NEDD4: variants seen among roughly 807,000 people sequenced by gnomAD.
NEDD4 encodes E3 ubiquitin-protein ligase NEDD4.
Under a neutral mutation model 144.9 loss-of-function variants are expected in NEDD4, and 99 were observed. That is an observed-to-expected ratio of 0.68 (90% CI 0.58 to 0.81). The LOEUF (loss-of-function observed/expected upper bound fraction) is 0.81. Among genes scored for constraint, NEDD4 ranks in the 30% least tolerant of loss-of-function variants. NEDD4 has a pLI of 0.00. For synonymous variants in NEDD4, 318 were observed against 350.6 expected, an observed-to-expected ratio of 0.91 and a Z score of 1.04; for missense variants, 985 against 1,065.9, an observed-to-expected ratio of 0.92 and a Z score of 1.06.
In NEDD4 at chr15:55,846,969, C is replaced by T. The variant is rs750182050; in HGVS notation, c.1608G>A (p.Gln536=). The change falls in exon 18 of 29, where the codon CAG becomes CAA. Residue 536 remains glutamine, a splice_region_variant and synonymous_variant. Coordinates refer to ENST00000435532, the MANE Select transcript of NEDD4 (RefSeq NM_006154.4). Reference sequence around the variant, plus strand: ...AGTATTTATTATAAACATGACTAACCTGCTTCTTCAACTTTCTTCGGAAGA... The same window carrying T: ...AGTATTTATTATAAACATGACTAACTTGCTTCTTCAACTTTCTTCGGAAGA... The part of the protein sequence containing the change: ...YEFFRRKLKK[Q]NDIPNKFEMK... 2.5e-6 allele frequency: 4 copies of T among 1,589,242 alleles called. No homozygotes were observed. The highest frequency in any genetic ancestry group is 2.6e-6 in the Non-Finnish European group (3 of 1,159,340).
In NEDD4 at chr15:55,847,048, T is replaced by C; in HGVS notation, c.1543-14A>G. ...GTAGGGCACTGCCTTTAGTTGGAAA[T>C]TTTGGAAAAATAAAGAAGTTTAGGT... On this transcript the variant is annotated splice_polypyrimidine_tract_variant and intron_variant, in intron 17 of 28. Coordinates refer to ENST00000435532, the MANE Select transcript of NEDD4 (RefSeq NM_006154.4). The C allele has an allele frequency of 6.3e-7, 1 of 1,575,028 alleles. No homozygotes were observed. Among genetic ancestry groups the C allele is most frequent in the Non-Finnish European group, 8.6e-7 (1 of 1,157,328 alleles).
chr15:55,905,363 G>A (rs1458523782), intron 5 of NEDD4: 7 of 442,890 alleles, frequency 1.6e-5, no homozygotes, highest in Admixed American at 1.5e-4. Context: ...CTAACAATTG[G>A]GGGGTTTCCC....
rs1291422696 is a variant in NEDD4 at position 55,829,879 on chromosome 15, C to T, written c.*18G>A. ...TAAAACTATGGCAGTAAAAACACTA[C>T]AGATTGTTATTTGTAATCTAATCAA... On this transcript the variant is annotated 3_prime_UTR_variant, in exon 29 of 29. Transcript: ENST00000435532. 3 of 1,589,692 alleles carry T rather than the reference C, an allele frequency of 1.9e-6. No individual in the cohort carries two copies.
At chr15:55,958,253 T>G (rs1328413389) in intron 2 of NEDD4, among the ~76,000 whole-genome samples, 9 of 152,246 alleles carry the variant, frequency 5.9e-5, no homozygotes, top group African/African-American at 2.2e-4. Context: ...TTACATTTTG[T>G]CAAAGGCACA....
At chr15:55,992,784 C>T (rs771086342) in intron 1 of NEDD4, among the ~76,000 whole-genome samples, 28 of 152,322 alleles carry the variant, frequency 1.8e-4, no homozygotes, top group Non-Finnish European at 3.1e-4. Context: ...GCTTTGCCTT[C>T]TTCAAATCCC....
chr15:55,841,295 T>C (rs2033491205), intron 19 of NEDD4, among the ~76,000 whole-genome samples: 2 of 152,344 alleles, frequency 1.3e-5, no homozygotes, highest in South Asian at 4.1e-4. Flanking sequence ...AAGGACATTC[T>C]GATACATACT....
At chr15:55,989,686 C>T (rs1480090631) in intron 1 of NEDD4, among the ~76,000 whole-genome samples, 1 of 152,222 alleles carries the variant, frequency 6.6e-6, no homozygotes, top group African/African-American at 2.4e-5. Flanking sequence ...TTGCTTCAGT[C>T]AGCCTTTCTT....
intron 5 of NEDD4, chr15:55,924,345 C>T (rs535427367): frequency 3.8e-4 from 104 of 271,846 alleles, no homozygotes; most frequent in South Asian, 5.7e-4. Flanking sequence ...GGGTCATGGG[C>T]GAGTGAGAGG....
At chr15:55,967,985 A>C (rs1339624961) in intron 1 of NEDD4, among the ~76,000 whole-genome samples, 1 of 152,230 alleles carries the variant, frequency 6.6e-6, no homozygotes, top group African/African-American at 2.4e-5. Context: ...CCTGGGTGAC[A>C]GAGCAAGACC....
At chr15:55,848,608 G>T (rs773116025) in intron 15 of NEDD4, 33 bp from the exon 16 acceptor site, 1 of 1,580,294 alleles carries the variant, frequency 6.3e-7, no homozygotes, top group Non-Finnish European at 8.7e-7. Flanking sequence ...ATTATTTTAG[G>T]AGAGGGGCGT....
intron 5 of NEDD4, among the ~76,000 whole-genome samples, chr15:55,917,931 A>G (rs2142217629): frequency 6.6e-6 from 1 of 152,276 alleles, no homozygotes; most frequent in South Asian, 2.1e-4. Context: ...TGTGGTAAGT[A>G]AAGAAGTCTA....
chr15:55,960,084 A>G (rs67229420), intron 2 of NEDD4, among the ~76,000 whole-genome samples: 20,360 of 152,058 alleles, frequency 0.13, 1,460 homozygotes, highest in East Asian at 0.32. Context: ...TCTCCCTAAG[A>G]AACAACCAGA....
chr15:55,829,804 G>A lies in NEDD4; in HGVS notation c.*93C>T. 1 of 772,616 alleles carries A rather than the reference G, an allele frequency of 1.3e-6. No homozygotes were observed. 47.9% of individuals were successfully genotyped at this position (772,616 alleles called of 1,614,324 possible). Reference sequence around the variant, plus strand: ...TCTTCAAGATCTGGGAAGACTCAGTGGCCACATTTTAGTAGTTCCCCGGAA... The same window carrying A: ...TCTTCAAGATCTGGGAAGACTCAGTAGCCACATTTTAGTAGTTCCCCGGAA... On this transcript the variant is annotated 3_prime_UTR_variant, in exon 29 of 29. Coordinates refer to ENST00000435532, the MANE Select transcript of NEDD4 (RefSeq NM_006154.4).
intron 24 of NEDD4, among the ~76,000 whole-genome samples, 173 bp from the exon 25 acceptor site, chr15:55,834,459 G>A (rs1329336672): frequency 2.0e-5 from 3 of 152,144 alleles, no homozygotes; most frequent in Non-Finnish European, 4.4e-5. Context: ...CATGTGCACA[G>A]TCTGTTCTCT....
intron 1 of NEDD4, among the ~76,000 whole-genome samples, chr15:55,988,502 AAAAAG>A (rs1187183345): frequency 6.7e-6 from 1 of 148,574 alleles, no homozygotes; most frequent in Non-Finnish European, 1.5e-5. Context: ...AAAAAAAAAA[AAAAAG>A]AAAAACTGAG....
At chr15:55,933,697 A>G (rs1388813969) in intron 4 of NEDD4, among the ~76,000 whole-genome samples, 1 of 151,888 alleles carries the variant, frequency 6.6e-6, no homozygotes, top group African/African-American at 2.4e-5. Flanking sequence ...AAAAAATCTG[A>G]TGGCTTTATA....
intron 1 of NEDD4, among the ~76,000 whole-genome samples, chr15:55,978,922 C>CA (rs61198421): frequency 0.036 from 4,667 of 128,764 alleles, 111 homozygotes; most frequent in Non-Finnish European, 0.052. Flanking sequence ...CTTGACAACG[C>CA]AAAAAAAAAA....
intron 5 of NEDD4, chr15:55,915,790 C>A (rs759472034): frequency 2.5e-6 from 4 of 1,613,434 alleles, no homozygotes; most frequent in Non-Finnish European, 3.4e-6. Flanking sequence ...TGTAACGAGC[C>A]CTTCCTGTGA....
chr15:55,883,374 G>A (rs2035264490), intron 5 of NEDD4, among the ~76,000 whole-genome samples: 1 of 152,140 alleles, frequency 6.6e-6, no homozygotes, highest in Non-Finnish European at 1.5e-5. Context: ...GCAGAATAGT[G>A]TACAAGGTAG....
Sources: gnomAD v4.1 joint callset for allele counts (sites outside exome capture counted in the v4.1 genomes callset) on GRCh38, gnomAD v4.1.1 for gene constraint, MANE v1.5 for transcripts, NCBI Gene and HGNC (gene_info 2026-07-23, HGNC 2026-07-21) for gene names.